The following SHTN1 variants were observed in gnomAD, a reference collection of about 807,000 sequenced individuals.
The protein encoded by SHTN1 is shootin-1.
Under a neutral mutation model 83.1 loss-of-function variants are expected in SHTN1, and 42 were observed. The ratio of observed to expected loss-of-function variants is 0.51; its 90% CI spans 0.39 to 0.65. SHTN1 has a LOEUF of 0.65. SHTN1 is among the 30% of genes least tolerant of loss of function. The pLI, the probability that SHTN1 is intolerant of heterozygous loss-of-function variation, is 0.00. For missense variants in SHTN1, 622 were observed against 737.8 expected (o/e 0.84, Z 1.82); for synonymous variants, 224 against 247.7 (o/e 0.90, Z 0.90).
At position 117,066,482 on chromosome 10, in the gene SHTN1, A is replaced by G. The variant is rs568245401; in HGVS notation, c.-188-17972T>C. Among the ~76,000 whole-genome samples the G allele has an allele frequency of 3.3e-5, 5 of 152,298 alleles. No homozygotes were observed. The South Asian group carries it at 1.0e-3, about 32-fold the overall frequency. On this transcript the variant is annotated intron_variant, in intron 1 of 17. Transcript: ENST00000392901. Reference sequence around the variant, plus strand: ...CTATGTTAGACTGTGAGATCAGAAAATACCTTTCTGAGGGTGATATTTACA... The same window carrying G: ...CTATGTTAGACTGTGAGATCAGAAAGTACCTTTCTGAGGGTGATATTTACA...
intron 1 of SHTN1, among the ~76,000 whole-genome samples, chr10:117,103,233 G>A (rs1037315631): frequency 6.6e-6 from 1 of 151,836 alleles, no homozygotes; most frequent in African/African-American, 2.4e-5. Flanking sequence ...GGGATTACAG[G>A]TGCACACCAC....
intron 1 of SHTN1, among the ~76,000 whole-genome samples, chr10:117,087,981 T>C (rs531193530): frequency 4.9e-4 from 75 of 152,308 alleles, no homozygotes; most frequent in African/African-American, 1.7e-3. Context: ...CATGCACCTG[T>C]AGTCCCAGCC....
chr10:116,928,650 T>C (rs1848835327), intron 10 of SHTN1, among the ~76,000 whole-genome samples: 1 of 152,192 alleles, frequency 6.6e-6, no homozygotes. Flanking sequence ...TCCACAGCCA[T>C]TCCACTTTCC....
At chr10:116,937,592 A>C (rs568423486) in intron 9 of SHTN1, among the ~76,000 whole-genome samples, 76 of 152,138 alleles carry the variant, frequency 5.0e-4, no homozygotes, top group Non-Finnish European at 9.4e-4. Flanking sequence ...GCCGCCCTTA[A>C]CATTTTTTCC....
intron 2 of SHTN1, among the ~76,000 whole-genome samples, chr10:117,047,439 A>C (rs1292427638): frequency 6.6e-6 from 1 of 152,198 alleles, no homozygotes. Context: ...ATTATGTACC[A>C]GGCACTATTA....
intron 9 of SHTN1, 38 bp from the exon 10 acceptor site, chr10:116,930,040 A>G: frequency 7.1e-7 from 1 of 1,398,632 alleles, no homozygotes; most frequent in Non-Finnish European, 9.7e-7. Context: ...TTTATGGCTG[A>G]CAGTTTTTCC....
intron 2 of SHTN1, among the ~76,000 whole-genome samples, chr10:117,035,737 G>A (rs1852484908): frequency 1.3e-5 from 2 of 151,950 alleles, no homozygotes; most frequent in Non-Finnish European, 1.5e-5. Context: ...GTCAAGGTCA[G>A]GAGTTCGAGA....
At chr10:116,904,868 C>T (rs894951479) in intron 15 of SHTN1, among the ~76,000 whole-genome samples, 15 of 152,212 alleles carry the variant, frequency 9.9e-5, no homozygotes, top group African/African-American at 3.1e-4. Flanking sequence ...AAAATGTGAA[C>T]GACAGAGCAC....
chr10:116,964,010 A>G (rs1850303591), intron 3 of SHTN1, among the ~76,000 whole-genome samples: 1 of 146,840 alleles, frequency 6.8e-6, no homozygotes, highest in Non-Finnish European at 1.5e-5. Flanking sequence ...TCTTCTACTC[A>G]CTATGAACAT....
intron 10 of SHTN1, among the ~76,000 whole-genome samples, chr10:116,929,040 T>A (rs2133377057): frequency 6.6e-6 from 1 of 152,244 alleles, no homozygotes; most frequent in East Asian, 1.9e-4. Context: ...AATTAAAAAA[T>A]AAATTATAAT....
intron 2 of SHTN1, among the ~76,000 whole-genome samples, chr10:116,976,016 G>C (rs1300226402): frequency 6.6e-6 from 1 of 152,170 alleles, no homozygotes; most frequent in Non-Finnish European, 1.5e-5. Context: ...CAGAAGAAGA[G>C]TCAATAAGCT....
chr10:117,119,322 A>G (rs968575620), intron 1 of SHTN1, among the ~76,000 whole-genome samples: 2 of 152,250 alleles, frequency 1.3e-5, no homozygotes, highest in African/African-American at 4.8e-5. Flanking sequence ...ACCAAAATAT[A>G]TAAGAAGCTC....
At chr10:116,977,743 T>C (rs954184304) in intron 2 of SHTN1, among the ~76,000 whole-genome samples, 4 of 152,028 alleles carry the variant, frequency 2.6e-5, no homozygotes, top group Non-Finnish European at 4.4e-5. Flanking sequence ...GGTGCAATCA[T>C]GGCTCACTGC....
chr10:116,932,462 C>G (rs1412979355), intron 9 of SHTN1, among the ~76,000 whole-genome samples: 1 of 152,084 alleles, frequency 6.6e-6, no homozygotes, highest in Non-Finnish European at 1.5e-5. Context: ...CCAAAACCAT[C>G]CCCCACCCTC....
At chr10:116,896,574 T>C (rs970840356) in intron 16 of SHTN1, among the ~76,000 whole-genome samples, 8 of 152,086 alleles carry the variant, frequency 5.3e-5, no homozygotes, top group African/African-American at 1.9e-4. Flanking sequence ...TGTCCAAAAA[T>C]TGAATCCACT....
chr10:116,945,409 G>A (rs1849540754), intron 7 of SHTN1, among the ~76,000 whole-genome samples: 1 of 152,134 alleles, frequency 6.6e-6, no homozygotes, highest in South Asian at 2.1e-4. Flanking sequence ...TTATATTGTA[G>A]AAGCATACTT....
chr10:117,118,967 G>GAT (rs921868818), intron 1 of SHTN1, among the ~76,000 whole-genome samples: 7 of 152,054 alleles, frequency 4.6e-5, no homozygotes, highest in South Asian at 4.2e-4. Context: ...AATAAAATGT[G>GAT]ATATATATAC....
At chr10:117,066,325 C>T (rs1853001466) in intron 1 of SHTN1, among the ~76,000 whole-genome samples, 1 of 151,954 alleles carries the variant, frequency 6.6e-6, no homozygotes, top group Non-Finnish European at 1.5e-5. Context: ...TTATAGAGTC[C>T]CTATTATACA....
intron 1 of SHTN1, among the ~76,000 whole-genome samples, chr10:117,106,794 C>G (rs534616808): frequency 3.9e-5 from 6 of 152,274 alleles, no homozygotes; most frequent in Admixed American, 2.0e-4. Context: ...GACCATGGTG[C>G]ATGTTTCTTC....
Sources: allele counts gnomAD v4.1 joint callset (sites outside exome capture counted in the v4.1 genomes callset), GRCh38; gene constraint gnomAD v4.1.1; transcripts MANE v1.5; gene names NCBI Gene and HGNC (gene_info 2026-07-23, HGNC 2026-07-21).